The following EXOC5 variants were observed in gnomAD, a reference collection of about 807,000 sequenced individuals.
The protein encoded by EXOC5 is SEC10-like 1.
Under a neutral mutation model 90.8 loss-of-function variants are expected in EXOC5, and 17 were observed. That is an observed-to-expected ratio of 0.19 (90% confidence interval 0.13 to 0.28). EXOC5 has a LOEUF of 0.28. EXOC5 is among the 10% of genes least tolerant of loss of function. EXOC5 has a pLI of 1.00. For synonymous variants in EXOC5, 260 were observed against 270.0 expected (o/e 0.96, Z 0.36); for missense variants, 569 against 830.6 (o/e 0.69, Z 3.87).
chr14:57,244,387 T>C, intron 3 of EXOC5, 28 bp from the exon 4 acceptor site: 1 of 1,517,538 alleles, frequency 6.6e-7, no homozygotes, highest in Non-Finnish European at 9.1e-7. Flanking sequence ...AAGCATAAAA[T>C]ACAATCAGTG....
intron 13 of EXOC5, among the ~76,000 whole-genome samples, chr14:57,221,766 G>A (rs1262315966): frequency 2.0e-5 from 3 of 152,122 alleles, no homozygotes; most frequent in Admixed American, 6.5e-5. Flanking sequence ...CAGGTTTAGA[G>A]GGAAGATAAA....
At chr14:57,237,418 T>A in intron 5 of EXOC5, 52 bp from the exon 6 acceptor site, 2 of 1,263,264 alleles carry the variant, frequency 1.6e-6, no homozygotes, top group South Asian at 2.7e-5. Context: ...AAACATCCTA[T>A]GGCAATGTAA....
chr14:57,235,677 TG>T, intron 7 of EXOC5, 33 bp downstream of exon 7: 1 of 1,084,882 alleles, frequency 9.2e-7, no homozygotes. Context: ...TCCATAGCCT[TG>T]AACACTATTC....
At chr14:57,259,482 C>G (rs943040458) in intron 1 of EXOC5, among the ~76,000 whole-genome samples, 1 of 152,160 alleles carries the variant, frequency 6.6e-6, no homozygotes, top group Non-Finnish European at 1.5e-5. Flanking sequence ...AACAAACAGC[C>G]ACACTTCCGT....
chr14:57,221,427 G>T (rs539637139), intron 13 of EXOC5, among the ~76,000 whole-genome samples: 1 of 152,300 alleles, frequency 6.6e-6, no homozygotes, highest in African/African-American at 2.4e-5. Context: ...TAAACTGGCT[G>T]TTAAATGAAG....
At position 57,203,088 on chromosome 14, in the gene EXOC5, T is replaced by C. The variant is rs562931439; in HGVS notation, c.*5521A>G. 17 of 152,280 alleles carry C rather than the reference T, an allele frequency of 1.1e-4. No individual in the cohort carries two copies. Among genetic ancestry groups the C allele is most frequent in the East Asian group, 1.9e-4 (1 of 5,186 alleles). 9.4% of individuals were successfully genotyped at this position (152,280 alleles called of 1,614,324 possible). On this transcript the variant is annotated 3_prime_UTR_variant, in exon 18 of 18. Coordinates refer to ENST00000621441, the MANE Select transcript of EXOC5 (RefSeq NM_006544.4). ...ACATCCAGCATTGTCCAGACTCTAT[T>C]TGGATATTTTCTATAGCAAAAACCT... is the stretch of plus-strand genomic sequence containing the variant.
intron 14 of EXOC5, 78 bp from the exon 15 acceptor site, chr14:57,218,146 TATTAC>T (rs1883026160): frequency 1.5e-6 from 1 of 652,346 alleles, no homozygotes. Context: ...CACCTATGTG[TATTAC>T]ATTATATACA....
At chr14:57,240,986 G>A (rs1293641716) in intron 4 of EXOC5, among the ~76,000 whole-genome samples, 1 of 152,050 alleles carries the variant, frequency 6.6e-6, no homozygotes, top group Non-Finnish European at 1.5e-5. Flanking sequence ...CCAAGTAGCT[G>A]GGATTATAGG....
At chr14:57,243,225 C>G (rs1181362187) in intron 4 of EXOC5, 1 of 152,060 alleles carries the variant, frequency 6.6e-6, no homozygotes, top group Non-Finnish European at 1.5e-5. Flanking sequence ...ACCAAAAAAC[C>G]ACCTGTACTT....
chr14:57,217,746 T>C (rs531729448), intron 15 of EXOC5, among the ~76,000 whole-genome samples: 1 of 152,164 alleles, frequency 6.6e-6, no homozygotes, highest in African/African-American at 2.4e-5. Context: ...TAGAAATGAT[T>C]AAGCTTAGTG....
chr14:57,264,446 C>T (rs1884609641), intron 1 of EXOC5, among the ~76,000 whole-genome samples: 1 of 152,114 alleles, frequency 6.6e-6, no homozygotes, highest in South Asian at 2.1e-4. Context: ...ACAGCCATTG[C>T]TATCATAGCC....
intron 1 of EXOC5, among the ~76,000 whole-genome samples, chr14:57,250,999 A>G (rs1192516135): frequency 1.3e-5 from 2 of 152,178 alleles, no homozygotes; most frequent in Non-Finnish European, 2.9e-5. Context: ...TGTATCAATA[A>G]AACAGACAGG....
chr14:57,244,246 C>T lies in EXOC5; in HGVS notation c.384G>A (p.Val128=), dbSNP rs779683221. 6.2e-7 allele frequency: 1 copy of T among 1,613,582 alleles called. No individual in the cohort carries two copies. The highest frequency in any genetic ancestry group is 2.2e-5 in the East Asian group (1 of 44,864). The part of the protein sequence containing the change: ...EGVNTPRQRA[V]EAQKLMKYFN... Reference sequence around the variant, plus strand: ...AGTATTTCATCAATTTCTGAGCCTCCACTGCCCGTTGTCTGGGTGTGTTTA... The same window carrying T: ...AGTATTTCATCAATTTCTGAGCCTCTACTGCCCGTTGTCTGGGTGTGTTTA... Residue 128 remains valine, a synonymous_variant, in exon 4 of 18, where the codon GTG becomes GTA. Coordinates refer to ENST00000621441, the MANE Select transcript of EXOC5 (RefSeq NM_006544.4).
intron 1 of EXOC5, among the ~76,000 whole-genome samples, chr14:57,259,502 C>T (rs1040006412): frequency 2.5e-4 from 38 of 152,182 alleles, no homozygotes; most frequent in African/African-American, 8.7e-4. Context: ...TCAGACTATT[C>T]CAGTCTTCTT....
intron 12 of EXOC5, 36 bp from the exon 13 acceptor site, chr14:57,222,452 G>T: frequency 8.1e-7 from 1 of 1,238,928 alleles, no homozygotes. Flanking sequence ...CACTCCTCAA[G>T]TCTACCTTTT....
rs1882491194 is a variant in EXOC5, at chr14:57,201,306, G to GA, written c.*7302dup. 1 of 151,758 alleles carries GA rather than the reference G, an allele frequency of 6.6e-6. No homozygotes were observed. Among genetic ancestry groups the GA allele is most frequent in the Non-Finnish European group, 1.5e-5 (1 of 67,958 alleles). The allele number at this position is 151,758 out of a possible 1,614,324, so 9.4% of individuals were successfully genotyped here. On this transcript the variant is annotated 3_prime_UTR_variant, in exon 18 of 18. Coordinates refer to ENST00000621441, the MANE Select transcript of EXOC5 (RefSeq NM_006544.4). Reference sequence around the variant, plus strand: ...AAAACGACACAGGAGACAACCTGAAGAGGCTACTTCTGACCAAATTTGGGA... The same window carrying GA: ...AAAACGACACAGGAGACAACCTGAAGAAGGCTACTTCTGACCAAATTTGGGA...
chr14:57,253,129 G>A (rs1273919078), intron 1 of EXOC5, among the ~76,000 whole-genome samples: 1 of 152,106 alleles, frequency 6.6e-6, no homozygotes, highest in African/African-American at 2.4e-5. Flanking sequence ...CCAAAGGCTG[G>A]GAAGGCTAAA....
intron 13 of EXOC5, among the ~76,000 whole-genome samples, chr14:57,221,806 G>C (rs769151024): frequency 3.3e-5 from 5 of 152,150 alleles, no homozygotes; most frequent in Non-Finnish European, 5.9e-5. Flanking sequence ...TTAAGTTTGA[G>C]ATGACCATTG....
rs564689657 is a variant in EXOC5, at chr14:57,202,364, T to C, written c.*6245A>G. 1 of 152,314 alleles carries C rather than the reference T, an allele frequency of 6.6e-6. No individual in the cohort carries two copies. Among genetic ancestry groups the C allele is most frequent in the Admixed American group, 6.5e-5 (1 of 15,296 alleles). The allele number at this position is 152,314 out of a possible 1,614,324, so 9.4% of individuals were successfully genotyped here. On this transcript the variant is annotated 3_prime_UTR_variant, in exon 18 of 18. Transcript: ENST00000621441. ...TTGGTGTCTGAGGATTAGATAGTAGTAATATGTCAATGTTAACTTCCCAAT... is the reference window on the plus strand; with the variant it reads ...TTGGTGTCTGAGGATTAGATAGTAGCAATATGTCAATGTTAACTTCCCAAT...
Sources: gnomAD v4.1 joint callset for allele counts (sites outside exome capture counted in the v4.1 genomes callset) on GRCh38, gnomAD v4.1.1 for gene constraint, MANE v1.5 for transcripts, NCBI Gene and HGNC (gene_info 2026-07-23, HGNC 2026-07-21) for gene names.